The following OR1B1 variants were observed in gnomAD, a reference collection of about 807,000 sequenced individuals.
OR1B1 encodes olfactory receptor 1B1.
For missense variants in OR1B1, 414 were observed against 402.1 expected, an observed-to-expected ratio of 1.03 and a Z score of -0.25; for synonymous variants, 168 against 156.2, an observed-to-expected ratio of 1.08 and a Z score of -0.57.
the OR1B1 span, among the ~76,000 whole-genome samples, chr9:122,640,684 A>C: frequency 6.6e-6 from 1 of 152,278 alleles, no homozygotes; most frequent in Non-Finnish European, 1.5e-5. Flanking sequence ...GTGCTTGGCA[A>C]CTGGAATCTA....
At chr9:122,646,228 A>T in the OR1B1 span, among the ~76,000 whole-genome samples, 1 of 152,110 alleles carries the variant, frequency 6.6e-6, no homozygotes, top group Non-Finnish European at 1.5e-5. Context: ...AAATAAAAGC[A>T]TACCACCGCT....
At chr9:122,629,121 T>G in exon 1 of OR1B1, 1 of 1,614,110 alleles carries the variant, frequency 6.2e-7, no homozygotes, top group African/African-American at 1.3e-5. Context: ...CGTTGGTGAT[T>G]CATTACCAAA....
At chr9:122,649,840 G>T in the OR1B1 span, among the ~76,000 whole-genome samples, 1 of 152,192 alleles carries the variant, frequency 6.6e-6, no homozygotes, top group African/African-American at 2.4e-5. Flanking sequence ...AGACAGTGTG[G>T]CAATTCCTCA....
At chr9:122,643,784 C>T in the OR1B1 span, among the ~76,000 whole-genome samples, 159 of 152,332 alleles carry the variant, frequency 1.0e-3, 1 homozygote, top group Middle Eastern at 0.01. Context: ...AACTCAGCCA[C>T]AGCAGGATAG....
chr9:122,629,041 G>A, exon 1 of OR1B1: 1 of 1,614,066 alleles, frequency 6.2e-7, no homozygotes, highest in Non-Finnish European at 8.5e-7. Flanking sequence ...AAAGAGGCAG[G>A]ACGAGTCCCA....
chr9:122,632,320 G>C (rs187081444), upstream of OR1B1, among the ~76,000 whole-genome samples: 407 of 152,054 alleles, frequency 2.7e-3, 3 homozygotes, highest in African/African-American at 9.3e-3. Flanking sequence ...ATTTTTAAAG[G>C]CCCAAAAAGA....
chr9:122,651,930 C>T, the OR1B1 span, among the ~76,000 whole-genome samples: 1 of 152,064 alleles, frequency 6.6e-6, no homozygotes, highest in African/African-American at 2.4e-5. Flanking sequence ...GGGACTACAG[C>T]CTCCTGAGTA....
chr9:122,635,875 A>AAGAC, the OR1B1 span, among the ~76,000 whole-genome samples: 8,442 of 152,238 alleles, frequency 0.055, 614 homozygotes, highest in East Asian at 0.19. Context: ...AGCAACAAGA[A>AAGAC]AGACAAATAG....
At chr9:122,649,644 A>G in the OR1B1 span, among the ~76,000 whole-genome samples, 2 of 152,248 alleles carry the variant, frequency 1.3e-5, no homozygotes, top group African/African-American at 2.4e-5. Flanking sequence ...AAACATTTGG[A>G]AAAAAGCTCA....
upstream of OR1B1, among the ~76,000 whole-genome samples, chr9:122,631,253 T>C (rs953495328): frequency 6.6e-6 from 1 of 152,042 alleles, no homozygotes; most frequent in Non-Finnish European, 1.5e-5. Context: ...CTCGGCTCAC[T>C]GCAAGCTCTG....
chr9:122,636,362 C>G, the OR1B1 span, among the ~76,000 whole-genome samples: 3 of 152,232 alleles, frequency 2.0e-5, no homozygotes, highest in African/African-American at 7.2e-5. Context: ...CGCCTGTAAT[C>G]CCAACAATTT....
the OR1B1 span, among the ~76,000 whole-genome samples, chr9:122,647,971 T>C: frequency 6.6e-6 from 1 of 152,202 alleles, no homozygotes; most frequent in East Asian, 1.9e-4. Flanking sequence ...TCCATTTTTT[T>C]CTCCTTATAT....
chr9:122,631,058 C>T (rs1486206817), upstream of OR1B1, among the ~76,000 whole-genome samples: 3 of 152,074 alleles, frequency 2.0e-5, no homozygotes, highest in African/African-American at 7.2e-5. Flanking sequence ...GGTAAGCTCT[C>T]ACACCCCTGC....
Position 122,629,490 on chromosome 9 carries a change from G to GA in OR1B1, c.45_46insT (p.Leu16SerfsTer8). 2 of 1,570,132 alleles carry GA rather than the reference G, an allele frequency of 1.3e-6. No homozygotes were observed. The highest frequency in any genetic ancestry group is 1.7e-6 in the Non-Finnish European group (2 of 1,157,984). ...ATGTTAGCTCTCGAGAACCCAAGGA[G>GA]CAAAAAAACCGGAGAGTGTGAAGCA... On this transcript the variant is annotated frameshift_variant, in exon 1 of 1. Coordinates refer to ENST00000623530, the Ensembl canonical transcript of OR1B1. LOFTEE classifies it low-confidence loss of function (END_TRUNC).
At chr9:122,651,406 T>C in the OR1B1 span, among the ~76,000 whole-genome samples, 2 of 152,360 alleles carry the variant, frequency 1.3e-5, no homozygotes, top group East Asian at 3.9e-4. Context: ...TATAGAACAC[T>C]GAACTTATTC....
chr9:122,644,641 A>G, the OR1B1 span, among the ~76,000 whole-genome samples: 7 of 152,236 alleles, frequency 4.6e-5, no homozygotes, highest in African/African-American at 1.7e-4. Flanking sequence ...AAAGAGAGAT[A>G]GTCCATATGT....
the OR1B1 span, among the ~76,000 whole-genome samples, chr9:122,646,686 G>A: frequency 6.6e-6 from 1 of 152,066 alleles, no homozygotes; most frequent in Non-Finnish European, 1.5e-5. Context: ...ACCCAAAACT[G>A]GAGTACCCAG....
the OR1B1 span, among the ~76,000 whole-genome samples, chr9:122,642,286 A>C: frequency 6.6e-6 from 1 of 152,168 alleles, no homozygotes; most frequent in Non-Finnish European, 1.5e-5. Flanking sequence ...AAAGACAATA[A>C]TTTGTCAGGG....
In OR1B1 at chr9:122,628,898, A is replaced by G; in HGVS notation, c.638T>C (p.Met213Thr). The change falls in exon 1 of 1, where the codon ATG becomes ACG. Residue 213 changes from methionine to threonine, a missense_variant. Coordinates refer to ENST00000623530, the Ensembl canonical transcript of OR1B1. ...TACAATGAGGGCACAGGGGCCCAGCATAAGGAAGCCACCCTCAAAGAATAT... is the reference window on the plus strand; with the variant it reads ...TACAATGAGGGCACAGGGGCCCAGCGTAAGGAAGCCACCCTCAAAGAATAT... The G allele has an allele frequency of 1.9e-6, 3 of 1,614,190 alleles. No homozygotes were observed. The Middle Eastern group carries it at 4.9e-4, about 266-fold the overall frequency.
Sources: allele counts gnomAD v4.1 joint callset (sites outside exome capture counted in the v4.1 genomes callset), GRCh38; gene constraint gnomAD v4.1.1; transcripts MANE v1.5; gene names NCBI Gene and HGNC (gene_info 2026-07-23, HGNC 2026-07-21).